AXIN1: variants seen among roughly 807,000 people sequenced by gnomAD.
AXIN1 encodes axin 1.
AXIN1 carries 30 observed loss-of-function variants against 76.4 expected under a neutral mutation model. The ratio of observed to expected loss-of-function variants is 0.39; its 90% CI spans 0.29 to 0.53. AXIN1 has a LOEUF of 0.53. Ranked by LOEUF, AXIN1 falls within the 20% of genes least tolerant of loss-of-function variation. AXIN1 has a pLI of 0.66. For missense variants in AXIN1, 1,140 were observed against 1,198.8 expected, an observed-to-expected ratio of 0.95 and a Z score of 0.72; for synonymous variants, 545 against 501.4, an observed-to-expected ratio of 1.09 and a Z score of -1.16.
intron 2 of AXIN1, among the ~76,000 whole-genome samples, chr16:321,841 T>C (rs2053466053): frequency 6.6e-6 from 1 of 152,230 alleles, no homozygotes; most frequent in Admixed American, 6.5e-5. Context: ...CAAAGTGTTA[T>C]CCAGACACAG....
At position 293,384 on chromosome 16, in the gene AXIN1, G is replaced by A. The variant is rs2052621888; in HGVS notation, c.2186+104C>T. Reference sequence around the variant, plus strand: ...CCAGTATGGCTGGGGGACACCCAGAGGGCCGTTTTTCCCCTGAAGACCTCA... The same window carrying A: ...CCAGTATGGCTGGGGGACACCCAGAAGGCCGTTTTTCCCCTGAAGACCTCA... On this transcript the variant is annotated intron_variant, in intron 8 of 10. Coordinates refer to ENST00000262320, the MANE Select transcript of AXIN1 (RefSeq NM_003502.4). This position sits in a 1 kb window ranked among gnomAD's most constrained non-coding sequence, Gnocchi z 4.6. 2 of 1,165,168 alleles carry A rather than the reference G, an allele frequency of 1.7e-6. No homozygotes were observed. Among genetic ancestry groups the A allele is most frequent in the Non-Finnish European group, 2.5e-6 (2 of 814,296 alleles). 72.2% of individuals were successfully genotyped at this position (1,165,168 alleles called of 1,614,324 possible). A position where few individuals can be genotyped will look rare whatever the true frequency, so the allele number is the denominator to read the frequency against.
At position 346,770 on chromosome 16, in the gene AXIN1, C is replaced by T. The variant is rs1325926342; in HGVS notation, c.256G>A (p.Ala86Thr). 6.2e-7 allele frequency: 1 copy of T among 1,609,282 alleles called. No homozygotes were observed. The highest frequency in any genetic ancestry group is 1.1e-5 in the South Asian group (1 of 90,680). Residue 86 changes from alanine to threonine, a missense_variant, in exon 2 of 11, where the codon GCT (alanine) becomes ACT (threonine). Ala to Thr is a moderately conservative substitution (Grantham distance 58, BLOSUM62 0). This residue lies in a region of AXIN1 where 708 missense variants were observed against 776.9 expected (regional missense o/e 0.91). Transcript: ENST00000262320. Reference protein sequence around the residue: ...ASPTPPYLKWAESLHSLLDDQ... With the variant: ...ASPTPPYLKWTESLHSLLDDQ... ...TCCAGCAGGGAATGCAGTGACTCAG[C>T]CCACTTCAAGTATGGTGGGGTGGGG... is the stretch of plus-strand genomic sequence containing the variant.
chr16:320,725 A>ATG (rs2053424110), intron 2 of AXIN1, among the ~76,000 whole-genome samples: 2 of 104,224 alleles, frequency 1.9e-5, no homozygotes, highest in Non-Finnish European at 3.7e-5. Flanking sequence ...GTGTGTGTGT[A>ATG]TATATATATA....
chr16:314,432 A>G, intron 3 of AXIN1, 111 bp downstream of exon 3: 1 of 1,528,276 alleles, frequency 6.5e-7, no homozygotes, highest in Non-Finnish European at 8.9e-7. Flanking sequence ...CGCAAGAAAC[A>G]GGGTGTCTGG....
rs1030727905 is a variant in AXIN1, at chr16:352,650, G to A, written c.-363C>T. 9 of 156,786 alleles carry A rather than the reference G, an allele frequency of 5.7e-5. No homozygotes were observed. Among genetic ancestry groups the A allele is most frequent in the Non-Finnish European group, 1.1e-4 (8 of 71,764 alleles). The allele number at this position is 156,786 out of a possible 1,614,324, so 9.7% of individuals were successfully genotyped here. A position where few individuals can be genotyped will look rare whatever the true frequency, so the allele number is the denominator to read the frequency against. ...TCTGGCGGCGGCAGCGGCCACGATC[G>A]CCTCCCGAGCCAGAGCCCGAGCCAG... On this transcript the variant is annotated 5_prime_UTR_variant, in exon 1 of 11. Transcript: ENST00000262320.
intron 7 of AXIN1, among the ~76,000 whole-genome samples, chr16:294,239 C>A (rs879356426): frequency 2.0e-5 from 3 of 152,078 alleles, no homozygotes; most frequent in Non-Finnish European, 4.4e-5. Flanking sequence ...GTGGGTGGAT[C>A]GCCTGAGGTC....
intron 5 of AXIN1, among the ~76,000 whole-genome samples, chr16:300,096 T>C (rs529888226): frequency 2.0e-5 from 3 of 152,172 alleles, no homozygotes; most frequent in East Asian, 1.9e-4. Flanking sequence ...CCCACCACCA[T>C]GCCCAGCTAA....
chr16:296,977 G>A (rs2052727309), intron 7 of AXIN1, 79 bp downstream of exon 7: 1 of 1,508,868 alleles, frequency 6.6e-7, no homozygotes, highest in Non-Finnish European at 9.1e-7. Flanking sequence ...ACACACTGAA[G>A]CTGCACACAC....
At chr16:307,582 C>T (rs988815658) in intron 4 of AXIN1, among the ~76,000 whole-genome samples, 1 of 152,076 alleles carries the variant, frequency 6.6e-6, no homozygotes, top group Non-Finnish European at 1.5e-5. Context: ...GGGGGCTTTT[C>T]GGGATGAACC....
At position 312,512 on chromosome 16, in the gene AXIN1, C is replaced by G. The variant is rs1597041647; in HGVS notation, c.1019+2031G>C. On this transcript the variant is annotated intron_variant, in intron 3 of 10. Coordinates refer to ENST00000262320, the MANE Select transcript of AXIN1 (RefSeq NM_003502.4). ...AACAGAGTTTTGGGGAAGAGGGAAA[C>G]CAGATGCTAGGATGCATGTCAGGCG... 2.0e-5 allele frequency among the ~76,000 whole-genome samples: 3 copies of G among 152,156 alleles called. No individual in the cohort carries two copies. The South Asian group carries it at 6.2e-4, about 32-fold the overall frequency.
At chr16:337,985 G>A (rs554385635) in intron 2 of AXIN1, among the ~76,000 whole-genome samples, 184 of 152,282 alleles carry the variant, frequency 1.2e-3, no homozygotes, top group Non-Finnish European at 2.1e-3. Context: ...AACCCTGAGT[G>A]GTTATTCTCA....
At chr16:346,124 G>A (rs1307805419) in intron 2 of AXIN1, 24 bp downstream of exon 2, 5 of 1,609,154 alleles carry the variant, frequency 3.1e-6, no homozygotes, top group African/African-American at 2.7e-5. Flanking sequence ...AGTACAGAAA[G>A]TGGACGCCTG....
At chr16:335,168 A>G (rs112947195) in intron 2 of AXIN1, among the ~76,000 whole-genome samples, 171 of 152,266 alleles carry the variant, frequency 1.1e-3, no homozygotes, top group African/African-American at 4.0e-3. Context: ...TCTTTGTGGT[A>G]TCTCCAACAT....
intron 2 of AXIN1, among the ~76,000 whole-genome samples, chr16:338,751 T>C (rs1479042546): frequency 6.6e-6 from 1 of 152,032 alleles, no homozygotes; most frequent in African/African-American, 2.4e-5. Context: ...GGCGAAACCT[T>C]GTCTCTACTA....
At chr16:328,959 G>A (rs1457557936) in intron 2 of AXIN1, among the ~76,000 whole-genome samples, 1 of 152,046 alleles carries the variant, frequency 6.6e-6, no homozygotes, top group Admixed American at 6.5e-5. Context: ...GTGCTGCCAC[G>A]CTGCTCACAC....
At chr16:345,204 G>A (rs190156061) in intron 2 of AXIN1, among the ~76,000 whole-genome samples, 36 of 152,238 alleles carry the variant, frequency 2.4e-4, no homozygotes, top group Middle Eastern at 3.4e-3. Flanking sequence ...GGCAACACAC[G>A]CACCCCACAG....
At chr16:344,979 G>A (rs2054005185) in intron 2 of AXIN1, among the ~76,000 whole-genome samples, 1 of 152,186 alleles carries the variant, frequency 6.6e-6, no homozygotes, top group Non-Finnish European at 1.5e-5. Context: ...TAGGTCAGCA[G>A]GGGTCACATG....
rs1169048941 is a variant in AXIN1, at chr16:287,802, C to T, written c.*320G>A. Reference sequence around the variant, plus strand: ...CAGAGGGAAAGTAGATCCCAGCACACGTGCCCAAGGGAGGTGCCGGGGGAT... The same window carrying T: ...CAGAGGGAAAGTAGATCCCAGCACATGTGCCCAAGGGAGGTGCCGGGGGAT... On this transcript the variant is annotated 3_prime_UTR_variant, in exon 11 of 11. Transcript: ENST00000262320. 1.3e-5 allele frequency: 6 copies of T among 479,542 alleles called. No individual in the cohort carries two copies. Among genetic ancestry groups the T allele is most frequent in the East Asian group, 3.7e-5 (1 of 27,158 alleles). The allele number at this position is 479,542 out of a possible 1,614,324, so 29.7% of individuals were successfully genotyped here. A position where few individuals can be genotyped will look rare whatever the true frequency, so the allele number is the denominator to read the frequency against.
chr16:301,519 G>A (rs994141327), intron 5 of AXIN1, among the ~76,000 whole-genome samples: 3 of 151,894 alleles, frequency 2.0e-5, no homozygotes, highest in East Asian at 2.0e-4. Context: ...GGCCAGGCAC[G>A]GTGGCTCGTG....
Sources: allele counts gnomAD v4.1 joint callset (sites outside exome capture counted in the v4.1 genomes callset), GRCh38; gene constraint gnomAD v4.1.1; regional missense constraint gnomAD v4.1.1; non-coding constraint Gnocchi (gnomAD v3.1); transcripts MANE v1.5; gene names NCBI Gene and HGNC (gene_info 2026-07-23, HGNC 2026-07-21).